Variants in CSMD1 observed in about 807,000 individuals in gnomAD.
CSMD1 encodes the protein CUB and Sushi multiple domains 1.
A neutral mutation model predicts 417.5 loss-of-function variants in CSMD1; 213 were observed. That is an observed-to-expected ratio of 0.51 (90% CI 0.46 to 0.57). The LOEUF (loss-of-function observed/expected upper bound fraction) is 0.57, where lower values mean the gene tolerates loss of function less well. Among genes scored for constraint, CSMD1 ranks in the 20% least tolerant of loss-of-function variants. The pLI is 0.00. For missense variants in CSMD1, 6,923 were observed against 4,529.7 expected (o/e 1.53, Z -15.17); for synonymous variants, 2,862 against 1,736.8 (o/e 1.65, Z -16.11).
chr8:4,470,561 A>T (rs540089569), intron 2 of CSMD1, among the ~76,000 whole-genome samples: 30 of 152,352 alleles, frequency 2.0e-4, no homozygotes, highest in African/African-American at 5.5e-4. Flanking sequence ...AAGGATTCAG[A>T]GTGAATGTAC....
intron 7 of CSMD1, among the ~76,000 whole-genome samples, chr8:3,648,709 T>A (rs1797699185): frequency 6.6e-6 from 1 of 152,208 alleles, no homozygotes; most frequent in African/African-American, 2.4e-5. Context: ...AAAAAGTGCC[T>A]GATCATTTAC....
In CSMD1 at chr8:4,260,960, T is replaced by C. The variant is rs375035178; in HGVS notation, c.415+158993A>G. Reference sequence around the variant, plus strand: ...GTGTATTTTTCTACTCTACCTTTACTCTCATTGACTTGCCTCTTTTGTAAA... The same window carrying C: ...GTGTATTTTTCTACTCTACCTTTACCCTCATTGACTTGCCTCTTTTGTAAA... On this transcript the variant is annotated intron_variant, in intron 3 of 69. Coordinates refer to ENST00000635120, the MANE Select transcript of CSMD1 (RefSeq NM_033225.6). Among the ~76,000 whole-genome samples the C allele has an allele frequency of 6.6e-5, 10 of 152,186 alleles. No homozygotes were observed. The East Asian group carries it at 1.3e-3, about 21-fold the overall frequency.
At chr8:4,855,407 G>A (rs965744588) in intron 1 of CSMD1, among the ~76,000 whole-genome samples, 9 of 152,176 alleles carry the variant, frequency 5.9e-5, no homozygotes, top group Non-Finnish European at 1.3e-4. Context: ...GAACAAAGCT[G>A]GATGGAGAAT....
intron 5 of CSMD1, among the ~76,000 whole-genome samples, chr8:3,762,665 G>T (rs538311305): frequency 2.0e-4 from 31 of 152,292 alleles, no homozygotes; most frequent in African/African-American, 7.2e-4. Flanking sequence ...CGCCGTACAG[G>T]CACACTGGTG....
chr8:3,797,135 T>G (rs945315277), intron 5 of CSMD1, among the ~76,000 whole-genome samples: 3 of 151,938 alleles, frequency 2.0e-5, no homozygotes, highest in Non-Finnish European at 4.4e-5. Flanking sequence ...AGTATACTAA[T>G]AAAATACAGT....
chr8:4,430,740 G>T (rs1432715432), intron 2 of CSMD1, among the ~76,000 whole-genome samples: 3 of 152,032 alleles, frequency 2.0e-5, no homozygotes, highest in Non-Finnish European at 4.4e-5. Flanking sequence ...GCATGAAACA[G>T]CATCCACATA....
At chr8:3,305,692 T>C (rs34222614) in intron 25 of CSMD1, among the ~76,000 whole-genome samples, 7,676 of 152,216 alleles carry the variant, frequency 0.05, 295 homozygotes, top group East Asian at 0.15. Flanking sequence ...TGTAATATTC[T>C]TTTTCTTGAG....
At chr8:4,469,608 T>C (rs1461571871) in intron 2 of CSMD1, among the ~76,000 whole-genome samples, 1 of 152,162 alleles carries the variant, frequency 6.6e-6, no homozygotes, top group Non-Finnish European at 1.5e-5. Context: ...TGACTCTGTG[T>C]ATTCCTGACA....
At chr8:3,679,069 C>T (rs12541449) in intron 7 of CSMD1, among the ~76,000 whole-genome samples, 22,474 of 152,100 alleles carry the variant, frequency 0.15, 2,089 homozygotes, top group East Asian at 0.29. Flanking sequence ...GTACTAGCCA[C>T]TGCAAAAACA....
intron 5 of CSMD1, among the ~76,000 whole-genome samples, chr8:3,921,764 A>G (rs970445036): frequency 1.8e-4 from 27 of 152,098 alleles, no homozygotes; most frequent in Non-Finnish European, 3.5e-4. Context: ...TATGAGTGCA[A>G]TCTTCTTTGA....
intron 1 of CSMD1, among the ~76,000 whole-genome samples, chr8:4,935,476 T>G (rs180969784): frequency 1.0e-3 from 154 of 152,344 alleles, no homozygotes; most frequent in Non-Finnish European, 1.8e-3. Flanking sequence ...AGAAACTAAG[T>G]CTTTCAGTGT....
At chr8:4,867,849 A>G (rs1585236302) in intron 1 of CSMD1, among the ~76,000 whole-genome samples, 1 of 152,136 alleles carries the variant, frequency 6.6e-6, no homozygotes, top group African/African-American at 2.4e-5. Flanking sequence ...TAAATTCTCA[A>G]TATTTTATAT....
intron 5 of CSMD1, among the ~76,000 whole-genome samples, chr8:3,823,302 C>G (rs1187387520): frequency 6.6e-6 from 1 of 152,158 alleles, no homozygotes; most frequent in Non-Finnish European, 1.5e-5. Context: ...CTTCCTCCTG[C>G]AAACCATCTT....
intron 2 of CSMD1, among the ~76,000 whole-genome samples, chr8:4,614,957 C>G (rs1190536525): frequency 6.6e-6 from 1 of 152,056 alleles, no homozygotes; most frequent in African/African-American, 2.4e-5. Flanking sequence ...TATGATTTGT[C>G]TGAAAAACAG....
chr8:4,206,445 C>T (rs77269236), intron 3 of CSMD1, among the ~76,000 whole-genome samples: 1 of 151,976 alleles, frequency 6.6e-6, no homozygotes, highest in South Asian at 2.1e-4. Context: ...GTTTGGTTTT[C>T]TGTCCTTGTG....
At chr8:4,210,728 T>A (rs189144674) in intron 3 of CSMD1, among the ~76,000 whole-genome samples, 2 of 152,186 alleles carry the variant, frequency 1.3e-5, no homozygotes, top group Non-Finnish European at 2.9e-5. Flanking sequence ...ACACTAAAAA[T>A]CACAAAATCT....
intron 7 of CSMD1, among the ~76,000 whole-genome samples, chr8:3,654,831 G>T (rs1384422502): frequency 6.6e-6 from 1 of 152,058 alleles, no homozygotes; most frequent in Non-Finnish European, 1.5e-5. Context: ...AGGATCCATA[G>T]AACACATCAC....
intron 3 of CSMD1, among the ~76,000 whole-genome samples, chr8:4,092,958 C>G (rs1019449911): frequency 1.7e-4 from 26 of 152,104 alleles, no homozygotes; most frequent in African/African-American, 5.8e-4. Flanking sequence ...TGTCACTCCT[C>G]TCTGTGTGGG....
At chr8:3,474,048 C>G (rs984235420) in intron 11 of CSMD1, among the ~76,000 whole-genome samples, 2 of 152,084 alleles carry the variant, frequency 1.3e-5, no homozygotes, top group Non-Finnish European at 2.9e-5. Context: ...ACACCTCCCT[C>G]AACACATGGG....
Sources: allele counts gnomAD v4.1 joint callset (sites outside exome capture counted in the v4.1 genomes callset), GRCh38; gene constraint gnomAD v4.1.1; transcripts MANE v1.5; gene names NCBI Gene and HGNC (gene_info 2026-07-23, HGNC 2026-07-21).